The following LRMDA variants were observed in gnomAD, a reference collection of about 807,000 sequenced individuals.
LRMDA encodes the protein leucine-rich melanocyte differentiation-associated protein.
Under a neutral mutation model 29.8 loss-of-function variants are expected in LRMDA, and 18 were observed. That is an observed-to-expected ratio of 0.60 (90% CI 0.42 to 0.90). The LOEUF is 0.90. Among genes scored for constraint, LRMDA ranks in the 40% least tolerant of loss-of-function variants. The pLI, the probability that LRMDA is intolerant of heterozygous loss-of-function variation, is 0.00. For synonymous variants in LRMDA, 125 were observed against 109.4 expected, an observed-to-expected ratio of 1.14 and a Z score of -0.89; for missense variants, 273 against 273.9, an observed-to-expected ratio of 1.00 and a Z score of 0.02.
At chr10:75,512,416 A>G (rs924114372) in intron 2 of LRMDA, among the ~76,000 whole-genome samples, 4 of 151,410 alleles carry the variant, frequency 2.6e-5, no homozygotes, top group Non-Finnish European at 4.4e-5. Context: ...TATTACTTTG[A>G]CCATTTTGCT....
At chr10:76,527,903 T>C (rs766281664) in intron 6 of LRMDA, among the ~76,000 whole-genome samples, 5 of 152,126 alleles carry the variant, frequency 3.3e-5, no homozygotes, top group Non-Finnish European at 2.9e-5. Context: ...GAGTGTGGTA[T>C]ATGTTGGAGA....
chr10:75,697,838 T>C (rs1275896102), intron 2 of LRMDA, among the ~76,000 whole-genome samples: 1 of 144,328 alleles, frequency 6.9e-6, no homozygotes, highest in Non-Finnish European at 1.5e-5. Context: ...TGTAAGAGTG[T>C]GTGTGTGTGT....
intron 2 of LRMDA, among the ~76,000 whole-genome samples, chr10:75,463,327 C>T (rs1844610713): frequency 6.6e-6 from 1 of 152,132 alleles, no homozygotes; most frequent in Non-Finnish European, 1.5e-5. Flanking sequence ...GAGTTTCTAA[C>T]AAGTTCCCAG....
Position 75,444,920 on chromosome 10 carries a change from T to C in LRMDA, c.131+6426T>C, listed in dbSNP as rs561809262. Among the ~76,000 whole-genome samples, 7 of 152,328 alleles carry C rather than the reference T, an allele frequency of 4.6e-5. No individual in the cohort carries two copies. In the South Asian group the frequency reaches 1.5e-3, roughly 32 times the overall value. The stretch of plus-strand genomic sequence containing the variant: ...CATTTCCCCATCTCAATAAATACTT[T>C]ACTGCGTTACAATGTTTTTTTAAGA... On this transcript the variant is annotated intron_variant, in intron 2 of 6. Transcript: ENST00000611255.
At chr10:76,400,231 A>G (rs1841834447) in intron 6 of LRMDA, among the ~76,000 whole-genome samples, 1 of 152,154 alleles carries the variant, frequency 6.6e-6, no homozygotes, top group Admixed American at 6.5e-5. Flanking sequence ...AAGACCCCAC[A>G]AGAAACTGAA....
intron 2 of LRMDA, among the ~76,000 whole-genome samples, chr10:75,649,723 A>G (rs1240427520): frequency 5.9e-5 from 9 of 152,170 alleles, no homozygotes; most frequent in Admixed American, 5.9e-4. Context: ...AGGAACTGCC[A>G]TATTGTTTTT....
chr10:76,103,126 A>G (rs1849422842), intron 5 of LRMDA, among the ~76,000 whole-genome samples: 1 of 152,182 alleles, frequency 6.6e-6, no homozygotes, highest in Non-Finnish European at 1.5e-5. Context: ...ACTTTTCATT[A>G]TTGAAGTAAG....
intron 5 of LRMDA, among the ~76,000 whole-genome samples, chr10:76,292,789 A>T (rs1840358309): frequency 6.6e-6 from 1 of 151,784 alleles, no homozygotes; most frequent in Non-Finnish European, 1.5e-5. Flanking sequence ...ATTGGCTTGT[A>T]GATTGGACAG....
intron 6 of LRMDA, among the ~76,000 whole-genome samples, chr10:76,538,236 A>G (rs1040411804): frequency 6.6e-6 from 1 of 151,900 alleles, no homozygotes; most frequent in African/African-American, 2.4e-5. Context: ...TCCCTGTCCC[A>G]TCCATATCCC....
intron 2 of LRMDA, among the ~76,000 whole-genome samples, chr10:75,860,816 C>T (rs1487355691): frequency 1.3e-5 from 2 of 152,090 alleles, no homozygotes; most frequent in Non-Finnish European, 2.9e-5. Flanking sequence ...GATTACTTAC[C>T]CTGCCTGTTA....
At chr10:76,323,223 T>C (rs1055469818) in intron 5 of LRMDA, among the ~76,000 whole-genome samples, 3 of 152,140 alleles carry the variant, frequency 2.0e-5, no homozygotes, top group Admixed American at 2.0e-4. Flanking sequence ...AAGTCTCCAC[T>C]GAAAGCCGCT....
At chr10:75,663,562 T>C (rs1181508298) in intron 2 of LRMDA, among the ~76,000 whole-genome samples, 2 of 152,056 alleles carry the variant, frequency 1.3e-5, no homozygotes, top group African/African-American at 2.4e-5. Flanking sequence ...CAGACTGTTA[T>C]GTTGAAGCCC....
intron 5 of LRMDA, among the ~76,000 whole-genome samples, chr10:76,198,806 T>C (rs1472319490): frequency 1.3e-5 from 2 of 152,194 alleles, no homozygotes; most frequent in Non-Finnish European, 2.9e-5. Context: ...GTGTATTTCT[T>C]TAAAGTGACA....
chr10:76,492,994 C>G (rs1389648116), intron 6 of LRMDA, among the ~76,000 whole-genome samples: 2 of 151,998 alleles, frequency 1.3e-5, no homozygotes, highest in African/African-American at 2.4e-5. Flanking sequence ...AGCACTGAGT[C>G]TCACCCAAGG....
chr10:75,842,552 CAAACAGCATCTTATAAATAAATG>C (rs1341899530), intron 2 of LRMDA, among the ~76,000 whole-genome samples: 1 of 152,146 alleles, frequency 6.6e-6, no homozygotes, highest in East Asian at 1.9e-4. Context: ...TAGAGGGTTA[CAAACAGCATCTTATAAATAAATG>C]AAATAAAAGA....
chr10:75,467,439 G>C (rs1252952741), intron 2 of LRMDA, among the ~76,000 whole-genome samples: 1 of 152,210 alleles, frequency 6.6e-6, no homozygotes. Context: ...TGTTTGAGAA[G>C]AAGAAGACCT....
chr10:75,554,599 G>A (rs943733178), intron 2 of LRMDA, among the ~76,000 whole-genome samples: 14 of 152,140 alleles, frequency 9.2e-5, no homozygotes, highest in African/African-American at 1.9e-4. Context: ...GCTAATGATG[G>A]TAATTATAAG....
At chr10:76,262,276 T>G (rs984634723) in intron 5 of LRMDA, among the ~76,000 whole-genome samples, 8 of 152,126 alleles carry the variant, frequency 5.3e-5, no homozygotes, top group African/African-American at 1.9e-4. Flanking sequence ...AAATCAGGAA[T>G]CACCGGGGTT....
Position 75,896,841 on chromosome 10 carries a change from T to TTGTGTGTGTGTGTGTGTG in LRMDA, c.132-139153_132-139136dup, listed in dbSNP as rs35428137. ...CAGTGCTAACTCTGAGAGTGTGCAT[T>TTGTGTGTGTGTGTGTGTG]TGTGTGTGTGTGTGTGTGTGTGTGT... On this transcript the variant is annotated intron_variant, in intron 2 of 6. Transcript: ENST00000611255. Among the ~76,000 whole-genome samples the TTGTGTGTGTGTGTGTGTG allele has an allele frequency of 4.6e-4, 68 of 147,546 alleles. 2 individuals are homozygous for TTGTGTGTGTGTGTGTGTG. In the South Asian group the frequency reaches 0.012, roughly 25 times the overall value.
Sources: gnomAD v4.1 joint callset for allele counts (sites outside exome capture counted in the v4.1 genomes callset) on GRCh38, gnomAD v4.1.1 for gene constraint, MANE v1.5 for transcripts, NCBI Gene and HGNC (gene_info 2026-07-23, HGNC 2026-07-21) for gene names.